LHFPL6: variants seen among roughly 807,000 people sequenced by gnomAD.
LHFPL6 encodes LHFPL tetraspan subfamily member 6, also known as LHFPL tetraspan subfamily member 6 protein.
In LHFPL6, 9 loss-of-function variants were observed where a neutral mutation model predicts 20.6. That is an observed-to-expected ratio of 0.44 (90% confidence interval 0.26 to 0.76). LHFPL6 has a LOEUF of 0.76. LHFPL6 is among the 30% of genes least tolerant of loss of function. LHFPL6 has a pLI of 0.20. For synonymous variants in LHFPL6, 105 were observed against 98.7 expected (o/e 1.06, Z -0.38); for missense variants, 218 against 253.5 (o/e 0.86, Z 0.95).
chr13:39,392,365 C>T (rs1478006772), intron 2 of LHFPL6, among the ~76,000 whole-genome samples: 8 of 152,152 alleles, frequency 5.3e-5, no homozygotes, highest in Non-Finnish European at 2.9e-5. Context: ...AAGGCCAAGG[C>T]AGGTGGATCA....
At chr13:39,374,349 T>C (rs921802541) in intron 3 of LHFPL6, among the ~76,000 whole-genome samples, 12 of 152,056 alleles carry the variant, frequency 7.9e-5, no homozygotes, top group Non-Finnish European at 7.4e-5. Flanking sequence ...TGGACATATA[T>C]GTGGCCAACA....
intron 2 of LHFPL6, among the ~76,000 whole-genome samples, chr13:39,574,724 C>G (rs888135962): frequency 6.6e-6 from 1 of 152,236 alleles, no homozygotes. Flanking sequence ...ATGTGCAAGG[C>G]AAGTGTACTG....
intron 3 of LHFPL6, among the ~76,000 whole-genome samples, chr13:39,350,445 G>GA: frequency 6.6e-6 from 1 of 152,056 alleles, no homozygotes; most frequent in East Asian, 1.9e-4. Flanking sequence ...TACAGTCATA[G>GA]AAAAAAAGTG....
chr13:39,427,270 T>C (rs1871669709), intron 2 of LHFPL6, among the ~76,000 whole-genome samples: 2 of 152,254 alleles, frequency 1.3e-5, no homozygotes, highest in Admixed American at 6.5e-5. Flanking sequence ...GTTTGTCTTC[T>C]TTCTTTTCCT....
intron 2 of LHFPL6, among the ~76,000 whole-genome samples, chr13:39,399,362 C>A (rs537616094): frequency 6.6e-6 from 1 of 152,210 alleles, no homozygotes; most frequent in East Asian, 1.9e-4. Flanking sequence ...AGCCTCTTTA[C>A]ACAGAAGAAT....
intron 2 of LHFPL6, among the ~76,000 whole-genome samples, chr13:39,450,481 A>C (rs1394174696): frequency 2.0e-5 from 3 of 152,182 alleles, no homozygotes; most frequent in African/African-American, 7.2e-5. Flanking sequence ...AAAAGGCTTA[A>C]AACAATATGT....
intron 2 of LHFPL6, among the ~76,000 whole-genome samples, chr13:39,586,750 C>T (rs9548834): frequency 0.013 from 1,985 of 152,310 alleles, 17 homozygotes; most frequent in Non-Finnish European, 0.021. Flanking sequence ...CTGTAACTGC[C>T]TTTCCTGCTT....
Position 39,344,062 on chromosome 13 carries a change from CA to C in LHFPL6, c.485-9del. On this transcript the variant is annotated splice_polypyrimidine_tract_variant and intron_variant, in intron 3 of 3. Transcript: ENST00000379589. ...AGCCGATTTCACACTTCCCTAAGGA[CA>C]AAGGAAGGGGAAAGAAGAAAGTCAC... The C allele has an allele frequency of 6.2e-7, 1 of 1,600,838 alleles. No homozygotes were observed. The highest frequency in any genetic ancestry group is 2.2e-5 in the East Asian group (1 of 44,518).
rs1016911130 is a variant in LHFPL6 at position 39,570,116 on chromosome 13, T to C, written c.385+30716A>G. Among the ~76,000 whole-genome samples the C allele has an allele frequency of 1.6e-4, 24 of 152,214 alleles. 1 individual carries two copies. Among genetic ancestry groups the C allele is most frequent in the African/African-American group, 5.8e-4 (24 of 41,454 alleles). ...AAGTTAGCTTTTCAAGCTTAATCTT[T>C]CTTTACTCTTTTTAAATTTATTTTA... is the stretch of plus-strand genomic sequence containing the variant. On this transcript the variant is annotated intron_variant, in intron 2 of 3. Coordinates refer to ENST00000379589, the MANE Select transcript of LHFPL6 (RefSeq NM_005780.3).
chr13:39,567,991 T>A (rs1489846815), intron 2 of LHFPL6, among the ~76,000 whole-genome samples: 1 of 152,230 alleles, frequency 6.6e-6, no homozygotes, highest in Non-Finnish European at 1.5e-5. Flanking sequence ...TGAGAATACT[T>A]TGTTACTATC....
At chr13:39,354,348 C>A (rs1869672204) in intron 3 of LHFPL6, among the ~76,000 whole-genome samples, 1 of 152,076 alleles carries the variant, frequency 6.6e-6, no homozygotes, top group South Asian at 2.1e-4. Context: ...CACAGTCAAA[C>A]CCTCAGACAA....
chr13:39,487,524 C>A (rs1868767215), intron 2 of LHFPL6, among the ~76,000 whole-genome samples: 1 of 152,174 alleles, frequency 6.6e-6, no homozygotes, highest in South Asian at 2.1e-4. Flanking sequence ...ATATACCTCA[C>A]TGAAGTGTTC....
intron 3 of LHFPL6, among the ~76,000 whole-genome samples, chr13:39,352,559 C>T (rs1259592605): frequency 6.6e-6 from 1 of 152,062 alleles, no homozygotes; most frequent in African/African-American, 2.4e-5. Flanking sequence ...CATGGGATCC[C>T]CATTTCTCTT....
intron 2 of LHFPL6, among the ~76,000 whole-genome samples, chr13:39,561,929 G>A (rs1028369004): frequency 6.6e-6 from 1 of 152,136 alleles, no homozygotes; most frequent in Non-Finnish European, 1.5e-5. Context: ...ACTGAAGCTA[G>A]AGACTTTTTA....
At chr13:39,390,621 G>A (rs2138370427) in intron 2 of LHFPL6, among the ~76,000 whole-genome samples, 1 of 152,326 alleles carries the variant, frequency 6.6e-6, no homozygotes, top group East Asian at 1.9e-4. Flanking sequence ...ATGGCTACCA[G>A]ACTTCCCCAC....
chr13:39,419,952 A>G (rs1300177055), intron 2 of LHFPL6, among the ~76,000 whole-genome samples: 1 of 152,208 alleles, frequency 6.6e-6, no homozygotes, highest in Non-Finnish European at 1.5e-5. Flanking sequence ...GAGAATAATG[A>G]TTTTCAATAA....
At chr13:39,540,093 G>C (rs1035655735) in intron 2 of LHFPL6, among the ~76,000 whole-genome samples, 2 of 152,088 alleles carry the variant, frequency 1.3e-5, no homozygotes, top group Non-Finnish European at 2.9e-5. Flanking sequence ...ACAGTGTTAA[G>C]ATAGCCTATA....
intron 2 of LHFPL6, among the ~76,000 whole-genome samples, chr13:39,584,075 C>T (rs1872370890): frequency 6.6e-6 from 1 of 152,138 alleles, no homozygotes; most frequent in South Asian, 2.1e-4. Flanking sequence ...TAATGTTTAT[C>T]ATGTCTGTAA....
intron 2 of LHFPL6, among the ~76,000 whole-genome samples, chr13:39,460,559 A>G (rs557190480): frequency 6.6e-5 from 10 of 152,300 alleles, no homozygotes; most frequent in South Asian, 2.1e-4. Context: ...CTTTCAAGTT[A>G]CTTGGTACAG....
Sources: gnomAD v4.1 joint callset for allele counts (sites outside exome capture counted in the v4.1 genomes callset) on GRCh38, gnomAD v4.1.1 for gene constraint, MANE v1.5 for transcripts, NCBI Gene and HGNC (gene_info 2026-07-23, HGNC 2026-07-21) for gene names.